PATL2: variants seen among roughly 807,000 people sequenced by gnomAD.
PATL2 encodes the protein PAT1 homolog 2, also known as protein PAT1 homolog 2.
Under a neutral mutation model 77.0 loss-of-function variants are expected in PATL2, and 73 were observed. The observed-to-expected ratio is 0.95, with a 90% CI of 0.78 to 1.15. PATL2 has a LOEUF of 1.15. Among genes scored for constraint, PATL2 ranks in the 50% most tolerant of loss-of-function variants. The pLI, the probability that PATL2 is intolerant of heterozygous loss-of-function variation, is 0.00. For synonymous variants in PATL2, 265 were observed against 257.1 expected, an observed-to-expected ratio of 1.03 and a Z score of -0.29; for missense variants, 618 against 655.4, an observed-to-expected ratio of 0.94 and a Z score of 0.62.
At chr15:44,691,211 G>T (rs1289862866) in intron 3 of PATL2, among the ~76,000 whole-genome samples, 2 of 152,026 alleles carry the variant, frequency 1.3e-5, no homozygotes, top group Non-Finnish European at 2.9e-5. Flanking sequence ...TGCACATATA[G>T]ACAGAGAAAA....
intron 6 of PATL2, 74 bp from the exon 7 acceptor site, chr15:44,673,451 A>G: frequency 6.6e-7 from 1 of 1,512,708 alleles, no homozygotes; most frequent in Non-Finnish European, 8.9e-7. Flanking sequence ...GTGAGGGCTC[A>G]GTTCCTTTCC....
intron 3 of PATL2, among the ~76,000 whole-genome samples, chr15:44,700,922 T>C (rs1309670776): frequency 6.6e-6 from 1 of 152,190 alleles, no homozygotes; most frequent in Non-Finnish European, 1.5e-5. Flanking sequence ...TAGCTTTTAC[T>C]GTGTTGAGGT....
intron 9 of PATL2, among the ~76,000 whole-genome samples, chr15:44,670,636 T>TA (rs2085626615): frequency 6.6e-6 from 1 of 152,134 alleles, no homozygotes. Context: ...ACCAAATACT[T>TA]AAAGACCAGA....
At chr15:44,690,171 A>G (rs754020422) in intron 3 of PATL2, among the ~76,000 whole-genome samples, 42 of 152,126 alleles carry the variant, frequency 2.8e-4, no homozygotes, top group African/African-American at 9.9e-4. Context: ...CCTGGGCAAC[A>G]AGAGCGAAAC....
intron 3 of PATL2, among the ~76,000 whole-genome samples, chr15:44,687,437 C>T (rs188567809): frequency 0.019 from 2,938 of 152,272 alleles, 103 homozygotes; most frequent in African/African-American, 0.068. Flanking sequence ...ATGACAAACA[C>T]ACAGCCAATA....
At chr15:44,706,222 G>A (rs868327547) in intron 3 of PATL2, among the ~76,000 whole-genome samples, 2 of 152,182 alleles carry the variant, frequency 1.3e-5, no homozygotes, top group Non-Finnish European at 2.9e-5. Flanking sequence ...GCTTGTGGAT[G>A]TTCATCAGTG....
chr15:44,674,436 T>C, intron 5 of PATL2: 1 of 555,628 alleles, frequency 1.8e-6, no homozygotes, highest in Non-Finnish European at 3.2e-6. Flanking sequence ...ACTAGTGCAG[T>C]GGTCCTCCCT....
In PATL2 at chr15:44,669,537, C is replaced by G. The variant is rs767833537; in HGVS notation, c.903G>C (p.Arg301Ser). 7 of 1,551,260 alleles carry G rather than the reference C, an allele frequency of 4.5e-6. No individual in the cohort carries two copies. In the Admixed American group the frequency reaches 5.9e-5, roughly 13 times the overall value. ...EQDIEAASSQ[R>S]LRVLYRIEKM... ...TCTCAATCCGGTATAATACCCGAAG[C>G]CTCTGACTGCTTGCAGCTTCTATAT... Residue 301 changes from arginine to serine, a missense_variant, in exon 12 of 18, where the codon AGG becomes AGC. By Grantham distance (110) the Arg-to-Ser change is moderately radical. Coordinates refer to ENST00000682850, the MANE Select transcript of PATL2 (RefSeq NM_001387263.1).
At chr15:44,704,294 G>A (rs900410541) in intron 3 of PATL2, among the ~76,000 whole-genome samples, 1 of 150,868 alleles carries the variant, frequency 6.6e-6, no homozygotes, top group South Asian at 2.1e-4. Flanking sequence ...AGGATTACAA[G>A]TGGGAGCCAC....
At chr15:44,675,363 G>C (rs778313156) in intron 5 of PATL2, 123 bp downstream of exon 5, 70 of 1,140,344 alleles carry the variant, frequency 6.1e-5, no homozygotes, top group Non-Finnish European at 8.3e-5. Context: ...GGCTTAAAAA[G>C]AAAGTGTTAA....
intron 3 of PATL2, among the ~76,000 whole-genome samples, chr15:44,702,913 G>A (rs184390769): frequency 3.0e-4 from 45 of 152,106 alleles, no homozygotes; most frequent in Non-Finnish European, 5.1e-4. Flanking sequence ...GTCTATCCTT[G>A]AGAATGATCC....
At chr15:44,688,868 A>G (rs989686280) in intron 3 of PATL2, among the ~76,000 whole-genome samples, 2 of 152,224 alleles carry the variant, frequency 1.3e-5, no homozygotes, top group African/African-American at 4.8e-5. Flanking sequence ...AGTGGTATCT[A>G]ATTAAACTAA....
intron 3 of PATL2, among the ~76,000 whole-genome samples, chr15:44,688,634 G>C (rs141574882): frequency 2.0e-3 from 303 of 152,280 alleles, no homozygotes; most frequent in African/African-American, 7.0e-3. Context: ...TTAATGAATG[G>C]TGTTGGGAAG....
In PATL2 at chr15:44,676,510, T is replaced by G; in HGVS notation, c.-20A>C. Reference sequence around the variant, plus strand: ...ATTCATCTTGGCAGGCTGGTGGACTTCCTTCTTAGCCGTGTCCTCCAGTGA... The same window carrying G: ...ATTCATCTTGGCAGGCTGGTGGACTGCCTTCTTAGCCGTGTCCTCCAGTGA... On this transcript the variant is annotated 5_prime_UTR_variant, in exon 4 of 18. Transcript: ENST00000682850. 1 of 1,551,512 alleles carries G rather than the reference T, an allele frequency of 6.4e-7. No individual in the cohort carries two copies. Among genetic ancestry groups the G allele is most frequent in the Non-Finnish European group, 8.7e-7 (1 of 1,146,850 alleles).
In PATL2 at chr15:44,668,337, G is replaced by T. The variant is rs1340509249; in HGVS notation, c.1365+5C>A. 2 of 1,549,978 alleles carry T rather than the reference G, an allele frequency of 1.3e-6. No homozygotes were observed. Among genetic ancestry groups the T allele is most frequent in the Non-Finnish European group, 1.7e-6 (2 of 1,146,748 alleles). Reference sequence around the variant, plus strand: ...CTATGGAAAAAAGCCTCCTAGACATGTTACCTGATTCTGAAGCACCACGGT... The same window carrying T: ...CTATGGAAAAAAGCCTCCTAGACATTTTACCTGATTCTGAAGCACCACGGT... On this transcript the variant is annotated splice_donor_5th_base_variant and intron_variant, in intron 15 of 17. Transcript: ENST00000682850.
At chr15:44,669,697 TCA>T (rs2085567784) in intron 11 of PATL2, 78 bp downstream of exon 11, 6 of 1,514,868 alleles carry the variant, frequency 4.0e-6, no homozygotes, top group Non-Finnish European at 5.4e-6. Context: ...CCTTCTTCGG[TCA>T]CAGTCTTAAA....
intron 3 of PATL2, among the ~76,000 whole-genome samples, chr15:44,688,673 A>T (rs2086317610): frequency 6.6e-6 from 1 of 152,186 alleles, no homozygotes; most frequent in South Asian, 2.1e-4. Context: ...GAAAACTGAA[A>T]CTGGACCCCT....
chr15:44,676,233 T>C (rs1204642055), intron 4 of PATL2: 3 of 535,458 alleles, frequency 5.6e-6, no homozygotes, highest in Non-Finnish European at 1.0e-5. Flanking sequence ...TTTACGTGCA[T>C]ATGTTCATTT....
At chr15:44,689,138 A>C (rs1370639206) in intron 3 of PATL2, among the ~76,000 whole-genome samples, 1 of 152,246 alleles carries the variant, frequency 6.6e-6, no homozygotes, top group Non-Finnish European at 1.5e-5. Context: ...TCATTAGAGA[A>C]ATGCAAATCA....
Sources: allele counts gnomAD v4.1 joint callset (sites outside exome capture counted in the v4.1 genomes callset), GRCh38; gene constraint gnomAD v4.1.1; transcripts MANE v1.5; gene names NCBI Gene and HGNC (gene_info 2026-07-23, HGNC 2026-07-21).